Variants in AGPAT3 observed in about 807,000 individuals in gnomAD.
The protein encoded by AGPAT3 is 1-acyl-sn-glycerol-3-phosphate acyltransferase gamma.
Under a neutral mutation model 47.3 loss-of-function variants are expected in AGPAT3, and 5 were observed. The observed-to-expected ratio is 0.11, with a 90% confidence interval of 0.06 to 0.22. AGPAT3 has a LOEUF of 0.22. Among genes scored for constraint, AGPAT3 ranks in the 10% least tolerant of loss-of-function variants. The pLI is 1.00. For missense variants in AGPAT3, 315 were observed against 493.0 expected (o/e 0.64, Z 3.42); for synonymous variants, 212 against 208.3 (o/e 1.02, Z -0.15).
In AGPAT3 at chr21:43,985,527, T is replaced by C. The variant is rs1178348154; in HGVS notation, c.*3135T>C. ...TGTTCGTTGCGGTATTGCTGAGCAT[T>C]GATGTTGATTTGAAGGAAAAGCCGT... On this transcript the variant is annotated 3_prime_UTR_variant, in exon 10 of 10. Transcript: ENST00000291572. The C allele has an allele frequency of 7.2e-6, 2 of 276,348 alleles. No homozygotes were observed. Among genetic ancestry groups the C allele is most frequent in the Non-Finnish European group, 1.4e-5 (2 of 141,204 alleles). 17.1% of individuals were successfully genotyped at this position (276,348 alleles called of 1,614,324 possible). A position where few individuals can be genotyped will look rare whatever the true frequency, so the allele number is the denominator to read the frequency against.
Position 43,984,693 on chromosome 21 carries a change from T to TGGG in AGPAT3, c.*2308_*2310dup, listed in dbSNP as rs573954296. 1 of 123,872 alleles carries TGGG rather than the reference T, an allele frequency of 8.1e-6. No individual in the cohort carries two copies. The highest frequency in any genetic ancestry group is 1.7e-5 in the Non-Finnish European group (1 of 59,774). The allele number at this position is 123,872 out of a possible 1,614,324, so 7.7% of individuals were successfully genotyped here. On this transcript the variant is annotated 3_prime_UTR_variant, in exon 10 of 10. Coordinates refer to ENST00000291572, the MANE Select transcript of AGPAT3 (RefSeq NM_020132.5). The stretch of plus-strand genomic sequence containing the variant: ...CATGAATGTTTGAATTTTTTTTTTT[T>TGGG]GGGGGGGGGAGGGTGGATTTTGCTT...
intron 1 of AGPAT3, among the ~76,000 whole-genome samples, chr21:43,874,182 T>C (rs1405535591): frequency 6.6e-6 from 1 of 152,168 alleles, no homozygotes; most frequent in Non-Finnish European, 1.5e-5. Context: ...TGTGCCACCA[T>C]GCCTGGCTAA....
intron 2 of AGPAT3, among the ~76,000 whole-genome samples, chr21:43,936,260 C>CACCAGGCTGGCACCAGGCCTCCA (rs1378527942): frequency 2.6e-5 from 4 of 152,268 alleles, no homozygotes; most frequent in African/African-American, 7.2e-5. Flanking sequence ...CCTGACGTCA[C>CACCAGGCTGGCACCAGGCCTCCA]ACCAGGCTGG....
Position 43,930,912 on chromosome 21 carries a change from C to T in AGPAT3, c.-49+26893C>T, listed in dbSNP as rs923930935. Among the ~76,000 whole-genome samples, 15 of 152,268 alleles carry T rather than the reference C, an allele frequency of 9.9e-5. 1 individual carries two copies. The highest frequency in any genetic ancestry group is 2.9e-4 in the African/African-American group (12 of 41,552). On this transcript the variant is annotated intron_variant, in intron 2 of 9. Coordinates refer to ENST00000291572, the MANE Select transcript of AGPAT3 (RefSeq NM_020132.5). The surrounding 1 kb of genome is among the most constrained non-coding windows in gnomAD (Gnocchi z 5.0). Reference sequence around the variant, plus strand: ...ACTTCCTTCCTGCATGTTCCTGTTCCGCATTACAGATTGTTTTTATGGCCC... The same window carrying T: ...ACTTCCTTCCTGCATGTTCCTGTTCTGCATTACAGATTGTTTTTATGGCCC...
rs1047772245 is a variant in AGPAT3, at chr21:43,987,037, C to T, written c.*4645C>T. Among the ~76,000 whole-genome samples the T allele has an allele frequency of 1.2e-4, 18 of 152,172 alleles. No individual in the cohort carries two copies. The highest frequency in any genetic ancestry group is 2.0e-4 in the Admixed American group (3 of 15,272). On this transcript the variant is annotated 3_prime_UTR_variant, in exon 10 of 10. Transcript: ENST00000291572. ...ACAGGCAGGTGTGCGCCTGCCCGAG[C>T]GCGAGTAGCTCTTGTGTAGTGGTGA...
intron 7 of AGPAT3, among the ~76,000 whole-genome samples, chr21:43,975,677 G>A (rs774191849): frequency 7.9e-5 from 12 of 152,240 alleles, no homozygotes; most frequent in Admixed American, 2.0e-4. Context: ...GGAGCACTGC[G>A]GTTGCCCGTG....
intron 8 of AGPAT3, among the ~76,000 whole-genome samples, chr21:43,979,019 C>T (rs770637245): frequency 1.1e-4 from 17 of 152,080 alleles, no homozygotes; most frequent in African/African-American, 3.9e-4. Context: ...GGAAATCGGT[C>T]GGGTGCTGTG....
rs2088234069 is a variant in AGPAT3 at position 43,952,280 on chromosome 21, A to G, written c.-48-7354A>G. The stretch of plus-strand genomic sequence containing the variant: ...TGACTGCAGGCGGTCTCCCTTTTTC[A>G]TAAGGACACCGGTCAGATGGAATCA... On this transcript the variant is annotated intron_variant, in intron 2 of 9. Coordinates refer to ENST00000291572, the MANE Select transcript of AGPAT3 (RefSeq NM_020132.5). This position sits in a 1 kb window ranked among gnomAD's most constrained non-coding sequence, Gnocchi z 5.6. 6.6e-6 allele frequency among the ~76,000 whole-genome samples: 1 copy of G among 152,066 alleles called. No homozygotes were observed. The highest frequency in any genetic ancestry group is 2.4e-5 in the African/African-American group (1 of 41,380).
chr21:43,898,027 A>G (rs1230930974), intron 1 of AGPAT3, among the ~76,000 whole-genome samples: 1 of 152,166 alleles, frequency 6.6e-6, no homozygotes, highest in African/African-American at 2.4e-5. Flanking sequence ...GGCACTCAGC[A>G]GGCTGAGGCA....
rs116653624 is a variant in AGPAT3, at chr21:43,952,973, A to C, written c.-48-6661A>C. On this transcript the variant is annotated intron_variant, in intron 2 of 9. Coordinates refer to ENST00000291572, the MANE Select transcript of AGPAT3 (RefSeq NM_020132.5). This position sits in a 1 kb window ranked among gnomAD's most constrained non-coding sequence, Gnocchi z 5.6. ...GTCAGGGTGTCAGTGGTGCCACCAT[A>C]ACCAAGTGAGGCGAGGTTCCACATC... 3.4e-3 allele frequency among the ~76,000 whole-genome samples: 516 copies of C among 152,272 alleles called. 6 individuals carry two copies. The highest frequency in any genetic ancestry group is 0.012 in the African/African-American group (493 of 41,550).
In AGPAT3 at chr21:43,984,920, G is replaced by T. The variant is rs937602664; in HGVS notation, c.*2528G>T. 1.1e-5 allele frequency: 4 copies of T among 355,976 alleles called. No homozygotes were observed. The highest frequency in any genetic ancestry group is 2.1e-5 in the African/African-American group (1 of 46,838). The allele number at this position is 355,976 out of a possible 1,614,324, so 22.1% of individuals were successfully genotyped here. On this transcript the variant is annotated 3_prime_UTR_variant, in exon 10 of 10. Coordinates refer to ENST00000291572, the MANE Select transcript of AGPAT3 (RefSeq NM_020132.5). ...ACAGTCCGTGCTGGCCACTGTCGGG[G>T]TGAGGCACATTCTAGGCCTGGCATC...
At position 43,985,482 on chromosome 21, in the gene AGPAT3, A is replaced by T. The variant is rs182628674; in HGVS notation, c.*3090A>T. 103 of 319,634 alleles carry T rather than the reference A, an allele frequency of 3.2e-4. No individual in the cohort carries two copies. Among genetic ancestry groups the T allele is most frequent in the African/African-American group, 2.1e-3 (97 of 45,656 alleles). 19.8% of individuals were successfully genotyped at this position (319,634 alleles called of 1,614,324 possible). A position where few individuals can be genotyped will look rare whatever the true frequency, so the allele number is the denominator to read the frequency against. On this transcript the variant is annotated 3_prime_UTR_variant, in exon 10 of 10. Transcript: ENST00000291572. ...CCGACTCCCTTTCGCGCACCGTGGCATGAGAATCTTTCCTCACGCTGTTCG... is the reference window on the plus strand; with the variant it reads ...CCGACTCCCTTTCGCGCACCGTGGCTTGAGAATCTTTCCTCACGCTGTTCG...
intron 2 of AGPAT3, among the ~76,000 whole-genome samples, chr21:43,945,135 G>C (rs891553070): frequency 2.0e-5 from 3 of 152,258 alleles, no homozygotes; most frequent in Non-Finnish European, 4.4e-5. Flanking sequence ...GGCCCTGCAG[G>C]TGGCGGTTTG....
chr21:43,958,090 G>A (rs956472182), intron 2 of AGPAT3, among the ~76,000 whole-genome samples: 1 of 152,346 alleles, frequency 6.6e-6, no homozygotes, highest in East Asian at 1.9e-4. Flanking sequence ...TGTTTGCAGA[G>A]ATTGATTGTG....
chr21:43,888,481 C>A (rs1310369026), intron 1 of AGPAT3, among the ~76,000 whole-genome samples: 2 of 152,184 alleles, frequency 1.3e-5, no homozygotes, highest in Non-Finnish European at 2.9e-5. Flanking sequence ...CACCGTGGCA[C>A]ACGTTTACCT....
At position 43,986,823 on chromosome 21, in the gene AGPAT3, T is replaced by C. The variant is rs2030347164; in HGVS notation, c.*4431T>C. 1.3e-5 allele frequency among the ~76,000 whole-genome samples: 2 copies of C among 152,262 alleles called. No individual in the cohort carries two copies. The highest frequency in any genetic ancestry group is 4.1e-4 in the South Asian group (2 of 4,834). Reference sequence around the variant, plus strand: ...CATTGTATACAGGGTGCAAATGTATTATACGGATGTTTCCTTTTGTACACT... The same window carrying C: ...CATTGTATACAGGGTGCAAATGTATCATACGGATGTTTCCTTTTGTACACT... On this transcript the variant is annotated 3_prime_UTR_variant, in exon 10 of 10. Transcript: ENST00000291572.
At chr21:43,968,853 C>T (rs968664344) in intron 4 of AGPAT3, among the ~76,000 whole-genome samples, 2 of 152,152 alleles carry the variant, frequency 1.3e-5, no homozygotes, top group Non-Finnish European at 2.9e-5. Flanking sequence ...GGCCACCCCC[C>T]GGAAGCCTGG....
chr21:43,917,425 G>A (rs182109016), intron 2 of AGPAT3, among the ~76,000 whole-genome samples: 1 of 152,324 alleles, frequency 6.6e-6, no homozygotes, highest in East Asian at 1.9e-4. Flanking sequence ...TCATCTCCAC[G>A]TTGGTGTCCG....
intron 7 of AGPAT3, among the ~76,000 whole-genome samples, chr21:43,971,713 G>T (rs2089404494): frequency 6.6e-6 from 1 of 152,242 alleles, no homozygotes; most frequent in Admixed American, 6.5e-5. Flanking sequence ...GAGAGGACAT[G>T]GAGACACGGG....
Sources: allele counts gnomAD v4.1 joint callset (sites outside exome capture counted in the v4.1 genomes callset), GRCh38; gene constraint gnomAD v4.1.1; non-coding constraint Gnocchi (gnomAD v3.1); transcripts MANE v1.5; gene names NCBI Gene and HGNC (gene_info 2026-07-23, HGNC 2026-07-21).